The following PCDHGB1 variants were observed in gnomAD, a reference collection of about 807,000 sequenced individuals.
PCDHGB1 encodes protocadherin gamma-B1.
PCDHGB1 carries 34 observed loss-of-function variants against 56.6 expected under a neutral mutation model. That is an observed-to-expected ratio of 0.60 (90% CI 0.46 to 0.80). The LOEUF (loss-of-function observed/expected upper bound fraction) is 0.80, where lower values mean the gene tolerates loss of function less well. PCDHGB1 is among the 30% of genes least tolerant of loss of function. The pLI, the probability that PCDHGB1 is intolerant of heterozygous loss-of-function variation, is 0.00. For missense variants in PCDHGB1, 1,278 were observed against 1,204.6 expected, an observed-to-expected ratio of 1.06 and a Z score of -0.90; for synonymous variants, 561 against 505.9, an observed-to-expected ratio of 1.11 and a Z score of -1.46.
intron 1 of PCDHGB1, chr5:141,428,501 C>A (rs970043746): frequency 8.4e-5 from 24 of 285,544 alleles, no homozygotes; most frequent in African/African-American, 3.9e-4. Context: ...TATGTTCCCT[C>A]GGATTCTAGA....
chr5:141,501,335 C>CA (rs2099808433), intron 2 of PCDHGB1, among the ~76,000 whole-genome samples: 1 of 135,634 alleles, frequency 7.4e-6, no homozygotes, highest in Non-Finnish European at 1.6e-5. Context: ...ACACACACAC[C>CA]CCAAACTCAA....
intron 1 of PCDHGB1, chr5:141,365,007 C>A (rs776739278): frequency 1.9e-6 from 3 of 1,613,922 alleles, no homozygotes; most frequent in Non-Finnish European, 2.5e-6. Flanking sequence ...TCCGGCACCA[C>A]GCACATCCGT....
rs538468873 is a variant in PCDHGB1 at position 141,364,832 on chromosome 5, C to T, written c.2409+12163C>T. The T allele has an allele frequency of 3.7e-6, 6 of 1,613,894 alleles. No individual in the cohort carries two copies. The highest frequency in any genetic ancestry group is 1.7e-5 in the Admixed American group (1 of 60,010). On this transcript the variant is annotated intron_variant, in intron 1 of 3. Coordinates refer to ENST00000523390, the MANE Select transcript of PCDHGB1 (RefSeq NM_018922.3). ...TGCGGATGTGGGTGTGAACTCTCTCCGGAGTTACCAGCTCAGCTCCAATCT... is the reference window on the plus strand; with the variant it reads ...TGCGGATGTGGGTGTGAACTCTCTCTGGAGTTACCAGCTCAGCTCCAATCT...
intron 1 of PCDHGB1, among the ~76,000 whole-genome samples, chr5:141,466,443 C>T (rs906096545): frequency 6.6e-6 from 1 of 152,186 alleles, no homozygotes; most frequent in African/African-American, 2.4e-5. Context: ...ACCGAGATGT[C>T]TATGGTGTTG....
chr5:141,398,804 C>T, intron 1 of PCDHGB1: 1 of 1,614,012 alleles, frequency 6.2e-7, no homozygotes, highest in Non-Finnish European at 8.5e-7. Context: ...AGCGGCACCA[C>T]TGAGCTCCGG....
chr5:141,351,598 T>A lies in PCDHGB1; in HGVS notation c.1338T>A (p.Pro446=). 1.2e-6 allele frequency: 2 copies of A among 1,614,046 alleles called. No individual in the cohort carries two copies. The highest frequency in any genetic ancestry group is 8.5e-7 in the Non-Finnish European group (1 of 1,179,900). The change falls in exon 1 of 4, where the codon CCT becomes CCA. Residue 446 remains proline, a synonymous_variant. Transcript: ENST00000523390. ...LHISDINDNA[P]VFHQASYVVH... is the part of the protein sequence containing the mutation. ...TCTCCGACATCAACGACAATGCACCTGTTTTCCATCAGGCCTCCTATGTGG... is the reference window on the plus strand; with the variant it reads ...TCTCCGACATCAACGACAATGCACCAGTTTTCCATCAGGCCTCCTATGTGG...
At chr5:141,377,830 G>A (rs981734715) in intron 1 of PCDHGB1, 2 of 152,172 alleles carry the variant, frequency 1.3e-5, no homozygotes, top group Admixed American at 6.5e-5. Flanking sequence ...AGTTACAATC[G>A]CCATTATCTT....
At chr5:141,455,911 ATTTT>A (rs1404284843) in intron 1 of PCDHGB1, among the ~76,000 whole-genome samples, 2 of 114,614 alleles carry the variant, frequency 1.7e-5, no homozygotes, top group African/African-American at 3.3e-5. Context: ...TTATTTATTT[ATTTT>A]GAGACGGAGT....
At chr5:141,361,659 C>T (rs746637756) in intron 1 of PCDHGB1, 25 of 1,613,626 alleles carry the variant, frequency 1.5e-5, no homozygotes, top group African/African-American at 2.7e-5. Flanking sequence ...TGTCCGTGAG[C>T]GCGCAGAGCG....
chr5:141,430,952 C>T, intron 1 of PCDHGB1: 2 of 1,610,382 alleles, frequency 1.2e-6, no homozygotes, highest in Non-Finnish European at 1.7e-6. Flanking sequence ...GCGCGGAGTC[C>T]GCATCATCCC....
intron 1 of PCDHGB1, chr5:141,382,749 G>A: frequency 1.6e-6 from 1 of 612,214 alleles, no homozygotes; most frequent in Non-Finnish European, 2.8e-6. Flanking sequence ...GACAGATTGC[G>A]ATAAGCCCTC....
At chr5:141,404,488 T>A in intron 1 of PCDHGB1, 1 of 1,613,536 alleles carries the variant, frequency 6.2e-7, no homozygotes, top group Non-Finnish European at 8.5e-7. Context: ...CAGACACTGG[T>A]GTGCTGTATG....
At chr5:141,386,096 G>C (rs1029162742) in intron 1 of PCDHGB1, 7 of 152,214 alleles carry the variant, frequency 4.6e-5, no homozygotes, top group African/African-American at 1.7e-4. Flanking sequence ...CAGATGAAGT[G>C]TGTCTGTGGG....
intron 1 of PCDHGB1, chr5:141,392,761 A>G (rs1341541753): frequency 1.6e-5 from 24 of 1,476,812 alleles, no homozygotes; most frequent in Non-Finnish European, 2.1e-5. Flanking sequence ...AAACTAAATA[A>G]GACCCATTTA....
At chr5:141,409,063 C>A (rs988950366) in intron 1 of PCDHGB1, 2 of 1,613,860 alleles carry the variant, frequency 1.2e-6, no homozygotes, top group African/African-American at 2.7e-5. Flanking sequence ...CTGCCCAGAG[C>A]ACAAAACATA....
intron 1 of PCDHGB1, among the ~76,000 whole-genome samples, chr5:141,472,869 C>T (rs919331906): frequency 6.6e-6 from 1 of 151,388 alleles, no homozygotes; most frequent in Non-Finnish European, 1.5e-5. Context: ...GCCTGTATTC[C>T]CAGCTACTCG....
In PCDHGB1 at chr5:141,375,793, C is replaced by A. The variant is rs761231690; in HGVS notation, c.2409+23124C>A. 31 of 1,614,110 alleles carry A rather than the reference C, an allele frequency of 1.9e-5. No homozygotes were observed. The highest frequency in any genetic ancestry group is 2.5e-5 in the Non-Finnish European group (29 of 1,180,038). ...TCCTGTACCCCGCCCTCCCCACAGACGGTTCCACTGGCGTGGAGCTGGCGC... is the reference window on the plus strand; with the variant it reads ...TCCTGTACCCCGCCCTCCCCACAGAAGGTTCCACTGGCGTGGAGCTGGCGC... On this transcript the variant is annotated intron_variant, in intron 1 of 3. Coordinates refer to ENST00000523390, the MANE Select transcript of PCDHGB1 (RefSeq NM_018922.3).
At position 141,490,909 on chromosome 5, in the gene PCDHGB1, G is replaced by A. The variant is rs1170664693; in HGVS notation, c.2410-3898G>A. On this transcript the variant is annotated intron_variant, in intron 1 of 3. Coordinates refer to ENST00000523390, the MANE Select transcript of PCDHGB1 (RefSeq NM_018922.3). The surrounding 1 kb of genome is among the most constrained non-coding windows in gnomAD (Gnocchi z 5.4). ...ATCTCTGCATGTGTTTGTCCTAGAC[G>A]AGAATGATAATGCCCCAGCTGTGCT... The A allele has an allele frequency of 1.1e-5, 17 of 1,613,626 alleles. No individual in the cohort carries two copies. Among genetic ancestry groups the A allele is most frequent in the East Asian group, 4.5e-5 (2 of 44,882 alleles).
intron 1 of PCDHGB1, chr5:141,393,499 A>T: frequency 6.2e-7 from 1 of 1,614,008 alleles, no homozygotes; most frequent in South Asian, 1.1e-5. Context: ...GTGCGCATCC[A>T]CGTGACAGTG....
Sources: allele counts gnomAD v4.1 joint callset (sites outside exome capture counted in the v4.1 genomes callset), GRCh38; gene constraint gnomAD v4.1.1; non-coding constraint Gnocchi (gnomAD v3.1); transcripts MANE v1.5; gene names NCBI Gene and HGNC (gene_info 2026-07-23, HGNC 2026-07-21).